Variants in STPG4 observed in about 807,000 individuals in gnomAD.
The protein encoded by STPG4 is protein STPG4.
Under a neutral mutation model 31.5 loss-of-function variants are expected in STPG4, and 41 were observed. The observed-to-expected ratio is 1.30, with a 90% CI of 1.01 to 1.69. STPG4 has a LOEUF of 1.69. STPG4 is among the 40% of genes most tolerant of loss of function. The probability of loss-of-function intolerance (pLI) is 0.00; values close to 1 mark genes in which losing one functional copy is unlikely to be tolerated. For missense variants in STPG4, 375 were observed against 293.4 expected (o/e 1.28, Z -2.03); for synonymous variants, 141 against 103.0 (o/e 1.37, Z -2.24).
At chr2:47,108,569 C>G (rs1362063197) in intron 5 of STPG4, 1 of 171,604 alleles carries the variant, frequency 5.8e-6, no homozygotes, top group Non-Finnish European at 1.2e-5. Flanking sequence ...AAGAACCCAC[C>G]AATTCCGGAC....
chr2:47,125,290 C>T (rs1330054879), intron 5 of STPG4, among the ~76,000 whole-genome samples: 4 of 152,034 alleles, frequency 2.6e-5, no homozygotes, highest in Non-Finnish European at 4.4e-5. Flanking sequence ...GATGTGGTGG[C>T]ATGCACCTGT....
At chr2:47,135,953 G>C (rs910809605) in intron 3 of STPG4, among the ~76,000 whole-genome samples, 1 of 152,098 alleles carries the variant, frequency 6.6e-6, no homozygotes, top group Non-Finnish European at 1.5e-5. Context: ...CTTCATCATT[G>C]TGTTGGCTAT....
At chr2:47,118,626 C>G (rs1258059793) in intron 5 of STPG4, among the ~76,000 whole-genome samples, 3 of 152,182 alleles carry the variant, frequency 2.0e-5, no homozygotes, top group Non-Finnish European at 2.9e-5. Context: ...GGTAAGACAG[C>G]TCAAAGCCCA....
At chr2:47,097,140 T>G (rs1187172233) in intron 5 of STPG4, among the ~76,000 whole-genome samples, 1 of 152,208 alleles carries the variant, frequency 6.6e-6, no homozygotes, top group East Asian at 1.9e-4. Flanking sequence ...AAGGGATTTT[T>G]AATCATTACT....
At chr2:47,148,443 A>C (rs927148907) in intron 3 of STPG4, among the ~76,000 whole-genome samples, 1 of 152,160 alleles carries the variant, frequency 6.6e-6, no homozygotes, top group Non-Finnish European at 1.5e-5. Context: ...TTGAAAAAAA[A>C]ATAGAAAGTC....
intron 5 of STPG4, among the ~76,000 whole-genome samples, chr2:47,120,839 T>G (rs1686255116): frequency 6.6e-6 from 1 of 152,154 alleles, no homozygotes; most frequent in African/African-American, 2.4e-5. Flanking sequence ...AACATTTATG[T>G]TTGGTGGGGC....
At chr2:47,088,588 T>C (rs1685506700) in intron 6 of STPG4, among the ~76,000 whole-genome samples, 1 of 152,206 alleles carries the variant, frequency 6.6e-6, no homozygotes, top group African/African-American at 2.4e-5. Flanking sequence ...ACAAAGAGGC[T>C]TGGACAGGCC....
intron 5 of STPG4, among the ~76,000 whole-genome samples, chr2:47,101,947 G>T (rs547834341): frequency 1.6e-4 from 25 of 151,842 alleles, no homozygotes; most frequent in Admixed American, 5.2e-4. Context: ...GAATGTGTCG[G>T]TAAGGGCCAC....
chr2:47,135,265 C>G (rs1686573331), intron 3 of STPG4, among the ~76,000 whole-genome samples: 1 of 152,136 alleles, frequency 6.6e-6, no homozygotes. Flanking sequence ...TCAAAGTCGT[C>G]TAGATTTTCT....
chr2:47,115,856 G>A (rs1258676795), intron 5 of STPG4, among the ~76,000 whole-genome samples: 3 of 152,084 alleles, frequency 2.0e-5, no homozygotes, highest in Admixed American at 6.6e-5. Flanking sequence ...GTTTCACCGT[G>A]TTCCCCAGGC....
intron 5 of STPG4, among the ~76,000 whole-genome samples, chr2:47,114,618 G>GT (rs1014186958): frequency 1.3e-5 from 2 of 152,166 alleles, no homozygotes; most frequent in African/African-American, 4.8e-5. Flanking sequence ...AGTTGTGTAT[G>GT]TAATCAAAAG....
intron 5 of STPG4, among the ~76,000 whole-genome samples, chr2:47,100,572 A>G (rs1012607019): frequency 9.1e-4 from 135 of 148,006 alleles, no homozygotes; most frequent in African/African-American, 3.3e-3. Context: ...GTGGCAACCC[A>G]CTCGAGTCCC....
intron 6 of STPG4, among the ~76,000 whole-genome samples, chr2:47,088,242 G>C (rs1170254002): frequency 6.6e-6 from 1 of 152,056 alleles, no homozygotes; most frequent in Non-Finnish European, 1.5e-5. Context: ...ACCACACCTG[G>C]CCCTATTTTA....
At chr2:47,108,319 T>C (rs1439250728) in intron 5 of STPG4, 1 of 151,882 alleles carries the variant, frequency 6.6e-6, no homozygotes, top group African/African-American at 2.4e-5. Flanking sequence ...GTTCTTTCGC[T>C]CTTTGCAATA....
rs1012098211 is a variant in STPG4 at position 47,125,510 on chromosome 2, T to C, written c.519+4431A>G. On this transcript the variant is annotated intron_variant, in intron 5 of 6. Coordinates refer to ENST00000445927, the MANE Select transcript of STPG4 (RefSeq NM_001163561.2). ...TTGTCAGACGGATAGTTTGCAAATA[T>C]TGTCCCCCATTATGTGGGTCGTCTC... Among the ~76,000 whole-genome samples, 7 of 152,226 alleles carry C rather than the reference T, an allele frequency of 4.6e-5. 1 individual carries two copies. The highest frequency in any genetic ancestry group is 1.7e-4 in the African/African-American group (7 of 41,470).
At chr2:47,106,584 A>G (rs1685915809) in intron 5 of STPG4, among the ~76,000 whole-genome samples, 1 of 152,002 alleles carries the variant, frequency 6.6e-6, no homozygotes, top group African/African-American at 2.4e-5. Context: ...GCTGAGGCCT[A>G]GACCTCCTCA....
chr2:47,150,863 A>G (rs193099026), intron 3 of STPG4, among the ~76,000 whole-genome samples: 2 of 152,246 alleles, frequency 1.3e-5, no homozygotes, highest in Admixed American at 1.3e-4. Flanking sequence ...ATGTAGTTAT[A>G]TTTATGCTCT....
chr2:47,102,577 T>C (rs1229653666), intron 5 of STPG4, among the ~76,000 whole-genome samples: 1 of 151,980 alleles, frequency 6.6e-6, no homozygotes, highest in Non-Finnish European at 1.5e-5. Flanking sequence ...TACACAACTA[T>C]GCAAAGCTTG....
chr2:47,091,892 AAACT>A (rs1286759096), intron 5 of STPG4, among the ~76,000 whole-genome samples: 25 of 152,084 alleles, frequency 1.6e-4, no homozygotes, highest in South Asian at 1.2e-3. Context: ...ACTGGGAAAT[AAACT>A]AAATAATGGA....
Sources: gnomAD v4.1 joint callset for allele counts (sites outside exome capture counted in the v4.1 genomes callset) on GRCh38, gnomAD v4.1.1 for gene constraint, MANE v1.5 for transcripts, NCBI Gene and HGNC (gene_info 2026-07-23, HGNC 2026-07-21) for gene names.